Variants in NCKAP5 observed in about 807,000 individuals in gnomAD.
The protein encoded by NCKAP5 is nck-associated protein 5.
Under a neutral mutation model 167.0 loss-of-function variants are expected in NCKAP5, and 92 were observed. The ratio of observed to expected loss-of-function variants is 0.55; its 90% CI spans 0.47 to 0.66. NCKAP5 has a LOEUF of 0.66. Ranked by LOEUF, NCKAP5 falls within the 30% of genes least tolerant of loss-of-function variation. The pLI, the probability that NCKAP5 is intolerant of heterozygous loss-of-function variation, is 0.00. For missense variants in NCKAP5, 2,378 were observed against 2,315.0 expected, an observed-to-expected ratio of 1.03 and a Z score of -0.56; for synonymous variants, 891 against 877.4, an observed-to-expected ratio of 1.02 and a Z score of -0.27.
At chr2:132,944,586 G>C (rs1173239566) in intron 8 of NCKAP5, among the ~76,000 whole-genome samples, 1 of 152,184 alleles carries the variant, frequency 6.6e-6, no homozygotes, top group African/African-American at 2.4e-5. Context: ...TATCTGCTAA[G>C]CTTCTCGACC....
chr2:132,963,095 A>C (rs1176190761), intron 8 of NCKAP5, among the ~76,000 whole-genome samples: 1 of 152,222 alleles, frequency 6.6e-6, no homozygotes, highest in Non-Finnish European at 1.5e-5. Flanking sequence ...GTCTTTGATG[A>C]CTGCTATAAA....
At chr2:132,817,882 G>A (rs1287749463) in intron 11 of NCKAP5, among the ~76,000 whole-genome samples, 1 of 152,092 alleles carries the variant, frequency 6.6e-6, no homozygotes, top group Non-Finnish European at 1.5e-5. Flanking sequence ...GAAATGGTCG[G>A]GAATGACATC....
chr2:133,059,491 T>A (rs1160671010), intron 6 of NCKAP5, among the ~76,000 whole-genome samples: 1 of 151,528 alleles, frequency 6.6e-6, no homozygotes, highest in Non-Finnish European at 1.5e-5. Context: ...AGCCTGAGGG[T>A]GGGACCCTAT....
At chr2:133,311,894 C>T (rs1681260026) in intron 3 of NCKAP5, among the ~76,000 whole-genome samples, 1 of 152,108 alleles carries the variant, frequency 6.6e-6, no homozygotes, top group Non-Finnish European at 1.5e-5. Flanking sequence ...ACTTTTTACT[C>T]ATGATTTTAT....
intron 11 of NCKAP5, among the ~76,000 whole-genome samples, chr2:132,833,161 T>C (rs1438521121): frequency 6.6e-6 from 1 of 152,170 alleles, no homozygotes; most frequent in Non-Finnish European, 1.5e-5. Context: ...TGGTCATTTG[T>C]ATGCCCTCTT....
chr2:133,381,594 T>C (rs1421781570), intron 3 of NCKAP5: 1 of 152,212 alleles, frequency 6.6e-6, no homozygotes, highest in Non-Finnish European at 1.5e-5. Flanking sequence ...TCTTATAGAC[T>C]ATCTAGTTCA....
chr2:133,068,461 A>G (rs1474205244), intron 6 of NCKAP5, among the ~76,000 whole-genome samples: 1 of 152,222 alleles, frequency 6.6e-6, no homozygotes, highest in African/African-American at 2.4e-5. Context: ...AGACATGAAC[A>G]AAGGAAGCAG....
At chr2:133,159,110 C>T (rs905608589) in intron 5 of NCKAP5, among the ~76,000 whole-genome samples, 8 of 151,820 alleles carry the variant, frequency 5.3e-5, no homozygotes, top group South Asian at 2.1e-4. Flanking sequence ...ACAATTTCTC[C>T]GGCTGGAAAC....
At chr2:132,723,299 G>C (rs1690128629) in intron 19 of NCKAP5, among the ~76,000 whole-genome samples, 1 of 151,882 alleles carries the variant, frequency 6.6e-6, no homozygotes, top group African/African-American at 2.4e-5. Context: ...AAGTAGCTGG[G>C]ACTACAGGCG....
At chr2:133,118,302 AG>A (rs2082144346) in intron 6 of NCKAP5, 1 of 151,534 alleles carries the variant, frequency 6.6e-6, no homozygotes, top group Admixed American at 6.6e-5. Flanking sequence ...ATCATACTTC[AG>A]GTTTAGTAGT....
chr2:133,306,712 G>A (rs1238431342), intron 3 of NCKAP5, among the ~76,000 whole-genome samples: 7 of 152,196 alleles, frequency 4.6e-5, no homozygotes, highest in African/African-American at 1.7e-4. Context: ...CTTATTATGA[G>A]GTGACTCTCC....
At chr2:133,541,173 G>A in intron 2 of NCKAP5, among the ~76,000 whole-genome samples, 1 of 151,552 alleles carries the variant, frequency 6.6e-6, no homozygotes, top group East Asian at 1.9e-4. Flanking sequence ...AAGCAGAGGG[G>A]TAGAAATAAA....
intron 2 of NCKAP5, 39 bp downstream of exon 2, chr2:133,559,011 T>C (rs955721351): frequency 1.3e-5 from 2 of 152,060 alleles, no homozygotes; most frequent in Non-Finnish European, 2.9e-5. Flanking sequence ...TATTAATATG[T>C]ATTAATAGTA....
intron 2 of NCKAP5, among the ~76,000 whole-genome samples, chr2:133,547,242 C>T (rs977678902): frequency 3.3e-5 from 5 of 152,224 alleles, no homozygotes; most frequent in East Asian, 1.9e-4. Flanking sequence ...CACGGAGTCT[C>T]GCTGACTGCT....
At chr2:132,927,777 G>A (rs754055155) in intron 8 of NCKAP5, among the ~76,000 whole-genome samples, 7 of 151,976 alleles carry the variant, frequency 4.6e-5, no homozygotes, top group African/African-American at 7.2e-5. Context: ...TGGAGACATC[G>A]TTAGGGTTTT....
In NCKAP5 at chr2:133,380,171, T is replaced by C. The variant is rs147093087; in HGVS notation, c.70-77061A>G. ...ACAGACAGATGAATAAGATTTATCC[T>C]AGTATAAGAAAAAGTCTAAAAGGGC... On this transcript the variant is annotated intron_variant, in intron 3 of 19. Coordinates refer to ENST00000409261, the MANE Select transcript of NCKAP5 (RefSeq NM_207363.3). 5.5e-3 allele frequency among the ~76,000 whole-genome samples: 839 copies of C among 152,296 alleles called. 11 individuals are homozygous for C. Among genetic ancestry groups the C allele is most frequent in the African/African-American group, 0.019 (783 of 41,570 alleles).
At chr2:133,495,043 G>A (rs1254914568) in intron 3 of NCKAP5, among the ~76,000 whole-genome samples, 1 of 152,050 alleles carries the variant, frequency 6.6e-6, no homozygotes, top group Non-Finnish European at 1.5e-5. Context: ...CCTTTCTATT[G>A]GTTCCAGGTC....
At position 132,784,192 on chromosome 2, in the gene NCKAP5, C is replaced by A. The variant is rs1180012482; in HGVS notation, c.2619G>T (p.Pro873=). ...PHIPKHSAQL[P]HSSRMPSRRD... ...TCCTGCTGGGCATCCTGGAGCTGTG[C>A]GGAAGTTGGGCGGAATGTTTTGGAA... is the stretch of plus-strand genomic sequence containing the variant. Residue 873 remains proline (P), a synonymous_variant, in exon 14 of 20, where the codon CCG becomes CCT. Transcript: ENST00000409261. 3.2e-6 allele frequency: 5 copies of A among 1,558,250 alleles called. No individual in the cohort carries two copies. The African/African-American group carries it at 5.5e-5, about 17-fold the overall frequency.
chr2:133,202,382 T>G (rs543572261), intron 5 of NCKAP5, among the ~76,000 whole-genome samples: 33 of 152,202 alleles, frequency 2.2e-4, no homozygotes, highest in South Asian at 6.2e-4. Context: ...ATACAAAAAT[T>G]AATTCAAAAT....
Sources: gnomAD v4.1 joint callset for allele counts (sites outside exome capture counted in the v4.1 genomes callset) on GRCh38, gnomAD v4.1.1 for gene constraint, MANE v1.5 for transcripts, NCBI Gene and HGNC (gene_info 2026-07-23, HGNC 2026-07-21) for gene names.